CCDC7: variants seen among roughly 807,000 people sequenced by gnomAD.
The protein encoded by CCDC7 is coiled-coil domain containing 7, also known as coiled-coil domain-containing protein 7.
Under a neutral mutation model 196.9 loss-of-function variants are expected in CCDC7, and 183 were observed. The observed-to-expected ratio is 0.93, with a 90% CI of 0.82 to 1.05. CCDC7 has a LOEUF of 1.05. CCDC7 is among the 50% of genes least tolerant of loss of function. The pLI is 0.00. For missense variants in CCDC7, 1,540 were observed against 1,482.2 expected (o/e 1.04, Z -0.64); for synonymous variants, 525 against 484.6 (o/e 1.08, Z -1.10).
At chr10:32,648,536 G>C (rs2068163341) in intron 20 of CCDC7, among the ~76,000 whole-genome samples, 1 of 151,946 alleles carries the variant, frequency 6.6e-6, no homozygotes. Context: ...AATATATTTG[G>C]GATTGCTGGG....
intron 11 of CCDC7, among the ~76,000 whole-genome samples, chr10:32,525,309 T>C (rs2048497333): frequency 1.3e-5 from 2 of 152,198 alleles, no homozygotes; most frequent in African/African-American, 4.8e-5. Context: ...TTGTTTCTCT[T>C]GCTTGATCAA....
intron 24 of CCDC7, among the ~76,000 whole-genome samples, chr10:32,696,412 C>G (rs2077731944): frequency 6.6e-6 from 1 of 151,934 alleles, no homozygotes; most frequent in Admixed American, 6.6e-5. Flanking sequence ...TGAACTTTAA[C>G]TTTGATATAG....
rs1238557399 is a variant in CCDC7 at position 32,565,621 on chromosome 10, G to A, written c.1197+1G>A. On this transcript the variant is annotated splice_donor_variant, in intron 14 of 41. Coordinates refer to ENST00000639629, the Ensembl canonical transcript of CCDC7. LOFTEE classifies it high-confidence loss of function. ...GGAGCAATTGAAACAGGCTTTACAG[G>A]TAAAGGATGTCATGTTTCTTTAACA... 1.9e-6 allele frequency: 3 copies of A among 1,606,262 alleles called. No individual in the cohort carries two copies. The highest frequency in any genetic ancestry group is 2.6e-6 in the Non-Finnish European group (3 of 1,175,596).
chr10:32,610,894 C>T (rs137914170), intron 18 of CCDC7, among the ~76,000 whole-genome samples: 6,196 of 152,162 alleles, frequency 0.041, 193 homozygotes, highest in Middle Eastern at 0.082. Flanking sequence ...TGTGTGCATG[C>T]GTCTTTATTG....
At chr10:32,848,558 A>G (rs1473276494) in intron 38 of CCDC7, 38 bp from the exon 40 acceptor site, 8 of 1,365,780 alleles carry the variant, frequency 5.9e-6, no homozygotes, top group South Asian at 1.2e-5. Context: ...AATAGTCAAG[A>G]GTATTCATGC....
At chr10:32,472,395 G>A in intron 6 of CCDC7, 86 bp from the exon 8 acceptor site, 1 of 1,218,986 alleles carries the variant, frequency 8.2e-7, no homozygotes, top group Non-Finnish European at 1.1e-6. Context: ...CATATGTCTG[G>A]ACTTCACATT....
intron 9 of CCDC7, among the ~76,000 whole-genome samples, chr10:32,516,641 A>C (rs748866837): frequency 6.6e-6 from 1 of 152,144 alleles, no homozygotes; most frequent in Non-Finnish European, 1.5e-5. Flanking sequence ...CTTTACACCC[A>C]CTAGGATGGC....
At position 32,707,170 on chromosome 10, in the gene CCDC7, A is replaced by G. The variant is rs187919122; in HGVS notation, c.2459-4450A>G. Among the ~76,000 whole-genome samples, 247 of 151,658 alleles carry G rather than the reference A, an allele frequency of 1.6e-3. 1 individual carries two copies. Among genetic ancestry groups the G allele is most frequent in the African/African-American group, 5.7e-3 (236 of 41,488 alleles). ...GGAATGCAAGGCTGGTTCAACATAC[A>G]CAAATCAATAAATGTAATCCATCAT... On this transcript the variant is annotated intron_variant, in intron 24 of 41. Transcript: ENST00000639629.
rs901295196 is a variant in CCDC7, at chr10:32,503,601, A to G, written c.872+11604A>G. ...ATAATTTTCTTTTCTTGTGATGTCCATGTCTGACTTTGTTATCAGGGTGAT... is the reference window on the plus strand; with the variant it reads ...ATAATTTTCTTTTCTTGTGATGTCCGTGTCTGACTTTGTTATCAGGGTGAT... On this transcript the variant is annotated intron_variant, in intron 9 of 41. Transcript: ENST00000639629. Among the ~76,000 whole-genome samples the G allele has an allele frequency of 2.6e-5, 4 of 152,158 alleles. No individual in the cohort carries two copies. In the South Asian group the frequency reaches 6.2e-4, roughly 24 times the overall value.
intron 8 of CCDC7, among the ~76,000 whole-genome samples, chr10:32,483,936 T>G (rs1231427115): frequency 6.6e-6 from 1 of 152,230 alleles, no homozygotes; most frequent in Non-Finnish European, 1.5e-5. Context: ...GCGTGATGCC[T>G]CCAGCTTTGT....
chr10:32,880,249 T>G (rs2094741185), downstream of CCDC7, among the ~76,000 whole-genome samples: 1 of 152,180 alleles, frequency 6.6e-6, no homozygotes, highest in Non-Finnish European at 1.5e-5. Context: ...CCATTCTGAC[T>G]GGTGTGAGAT....
intron 25 of CCDC7, among the ~76,000 whole-genome samples, chr10:32,718,820 T>C (rs781147543): frequency 2.6e-5 from 4 of 152,064 alleles, no homozygotes; most frequent in African/African-American, 4.8e-5. Context: ...TTATGAGGGA[T>C]GTAAAGGACC....
At chr10:32,703,597 T>C (rs567820657) in intron 24 of CCDC7, among the ~76,000 whole-genome samples, 1 of 152,234 alleles carries the variant, frequency 6.6e-6, no homozygotes, top group East Asian at 1.9e-4. Flanking sequence ...CTGCATAATA[T>C]CCTGCAGACT....
At chr10:32,835,534 G>C (rs1275863026) in intron 33 of CCDC7, among the ~76,000 whole-genome samples, 1 of 152,030 alleles carries the variant, frequency 6.6e-6, no homozygotes, top group Admixed American at 6.6e-5. Context: ...TCCTTTGCAG[G>C]GACATGGATG....
intron 5 of CCDC7, among the ~76,000 whole-genome samples, chr10:32,467,736 T>G (rs765788676): frequency 3.3e-5 from 5 of 152,232 alleles, no homozygotes; most frequent in Non-Finnish European, 7.3e-5. Flanking sequence ...TTTAAGTCTT[T>G]TATTCATCTT....
At chr10:32,882,209 G>A (rs867918954) in intron 22 of CCDC7, among the ~76,000 whole-genome samples, 1 of 152,184 alleles carries the variant, frequency 6.6e-6, no homozygotes, top group South Asian at 2.1e-4. Context: ...GAGTGAAGGG[G>A]TCAGCAGATG....
chr10:32,748,376 T>G (rs965561425), intron 28 of CCDC7, among the ~76,000 whole-genome samples: 2 of 152,226 alleles, frequency 1.3e-5, no homozygotes, highest in African/African-American at 4.8e-5. Flanking sequence ...AAGTAAAACA[T>G]GTAACTTTTG....
rs573832283 is a variant in CCDC7, at chr10:32,554,641, G to A, written c.1134+10340G>A. Among the ~76,000 whole-genome samples, 13 of 152,264 alleles carry A rather than the reference G, an allele frequency of 8.5e-5. No individual in the cohort carries two copies. In the South Asian group the frequency reaches 1.2e-3, roughly 15 times the overall value. On this transcript the variant is annotated intron_variant, in intron 13 of 41. Coordinates refer to ENST00000639629, the Ensembl canonical transcript of CCDC7. ...AGGAGGGTCTCCCTTTCCTGCTTCC[G>A]CAGTTGGGGCACTCACAGTATTTGG...
At chr10:32,488,764 G>A (rs2041680714) in intron 8 of CCDC7, among the ~76,000 whole-genome samples, 1 of 152,164 alleles carries the variant, frequency 6.6e-6, no homozygotes. Context: ...AGCTTACTGA[G>A]CTTCCTTAAA....
Sources: gnomAD v4.1 joint callset for allele counts (sites outside exome capture counted in the v4.1 genomes callset) on GRCh38, gnomAD v4.1.1 for gene constraint, MANE v1.5 for transcripts, NCBI Gene and HGNC (gene_info 2026-07-23, HGNC 2026-07-21) for gene names.